KATNAL2: variants seen among roughly 807,000 people sequenced by gnomAD.
KATNAL2 encodes katanin catalytic subunit A1 like 2.
A neutral mutation model predicts 76.3 loss-of-function variants in KATNAL2; 52 were observed. The observed-to-expected ratio is 0.68, with a 90% CI of 0.55 to 0.86. The LOEUF is 0.86. Ranked by LOEUF, KATNAL2 falls within the 40% of genes least tolerant of loss-of-function variation. The pLI, the probability that KATNAL2 is intolerant of heterozygous loss-of-function variation, is 0.00. For synonymous variants in KATNAL2, 243 were observed against 244.2 expected, an observed-to-expected ratio of 1.00 and a Z score of 0.05; for missense variants, 660 against 668.9, an observed-to-expected ratio of 0.99 and a Z score of 0.15.
intron 3 of KATNAL2, among the ~76,000 whole-genome samples, chr18:47,041,443 G>T (rs879218242): frequency 1.1e-4 from 17 of 152,098 alleles, no homozygotes; most frequent in Admixed American, 1.1e-3. Context: ...TATCTATTTG[G>T]AATCATACAG....
At chr18:47,066,843 G>C (rs375164722) in intron 10 of KATNAL2, among the ~76,000 whole-genome samples, 178 bp from the exon 11 acceptor site, 3 of 32,168 alleles carry the variant, frequency 9.3e-5, no homozygotes, top group South Asian at 2.7e-3. Context: ...ATGTATATAT[G>C]TGTTTATATA....
At chr18:47,034,859 G>A in intron 3 of KATNAL2, 1 of 1,612,152 alleles carries the variant, frequency 6.2e-7, no homozygotes, top group Non-Finnish European at 8.5e-7. Context: ...TGCCCCGGAG[G>A]TGTTCTGCGT....
At chr18:47,063,448 T>C in intron 10 of KATNAL2, 87 bp downstream of exon 10, 1 of 951,386 alleles carries the variant, frequency 1.1e-6, no homozygotes, top group Admixed American at 2.4e-5. Flanking sequence ...TTAATAACAA[T>C]AAATATGATC....
Position 46,936,120 on chromosome 18 carries a change from A to G in KATNAL2, c.-509-9937A>G, listed in dbSNP as rs117198636. On this transcript the variant is annotated intron_variant, in intron 1 of 17. Coordinates refer to ENST00000683218, the MANE Select transcript of KATNAL2 (RefSeq NM_001387690.1). ...AGAAACAGACAAAATCCACTTTTCT[A>G]TGGTGGAACATTTTACCATACCTAT... is the stretch of plus-strand genomic sequence containing the variant. Among the ~76,000 whole-genome samples the G allele has an allele frequency of 3.3e-3, 496 of 152,326 alleles. 2 individuals carry two copies. The highest frequency in any genetic ancestry group is 5.0e-3 in the Non-Finnish European group (340 of 68,032).
intron 1 of KATNAL2, among the ~76,000 whole-genome samples, chr18:46,933,003 T>C (rs946869325): frequency 1.3e-5 from 2 of 152,232 alleles, no homozygotes; most frequent in South Asian, 4.1e-4. Flanking sequence ...CCTCAGGTGA[T>C]CCGCCCTCCT....
At chr18:47,084,846 C>CT (rs1274853546) in intron 15 of KATNAL2, among the ~76,000 whole-genome samples, 3 of 21,630 alleles carry the variant, frequency 1.4e-4, no homozygotes, top group Non-Finnish European at 1.8e-4. Context: ...AAGACTCTGT[C>CT]TAAAAAAAAA....
chr18:47,035,132 C>T (rs1394399460), intron 3 of KATNAL2: 1 of 1,611,778 alleles, frequency 6.2e-7, no homozygotes. Context: ...CCAGTCTCCG[C>T]CAGGATGTCT....
intron 1 of KATNAL2, among the ~76,000 whole-genome samples, chr18:46,939,836 G>A (rs1439780392): frequency 6.6e-6 from 1 of 152,128 alleles, no homozygotes; most frequent in African/African-American, 2.4e-5. Flanking sequence ...TCTGAACCTT[G>A]TTGCTCAATG....
At chr18:46,928,830 C>CTGT (rs1568979136) in intron 1 of KATNAL2, among the ~76,000 whole-genome samples, 1 of 152,210 alleles carries the variant, frequency 6.6e-6, no homozygotes, top group East Asian at 1.9e-4. Context: ...GAGTCTCACT[C>CTGT]TGTTGCCCAG....
chr18:46,924,161 C>A (rs1361380502), intron 1 of KATNAL2, among the ~76,000 whole-genome samples: 2 of 152,148 alleles, frequency 1.3e-5, no homozygotes, highest in Non-Finnish European at 2.9e-5. Context: ...ATGCCTATGT[C>A]CTGAATGGTA....
chr18:46,941,317 C>A (rs1025690189), intron 1 of KATNAL2, among the ~76,000 whole-genome samples: 2 of 151,958 alleles, frequency 1.3e-5, no homozygotes, highest in African/African-American at 2.4e-5. Context: ...CCAACCTGGG[C>A]AACAAAGCCA....
intron 3 of KATNAL2, chr18:47,034,610 C>A (rs768158322): frequency 6.2e-7 from 1 of 1,614,048 alleles, no homozygotes; most frequent in Admixed American, 1.7e-5. Flanking sequence ...CTCACAACGG[C>A]TTTCCCCTGG....
chr18:47,099,191 T>C, intron 15 of KATNAL2, 52 bp from the exon 16 acceptor site: 2 of 1,539,238 alleles, frequency 1.3e-6, no homozygotes, highest in Non-Finnish European at 1.8e-6. Flanking sequence ...CAGTTGTTGT[T>C]CAGGAAGTGT....
intron 1 of KATNAL2, among the ~76,000 whole-genome samples, chr18:46,919,049 A>G (rs949460344): frequency 1.3e-5 from 2 of 151,200 alleles, no homozygotes; most frequent in Non-Finnish European, 2.9e-5. Context: ...TATATACACA[A>G]CACACACACA....
intron 8 of KATNAL2, among the ~76,000 whole-genome samples, chr18:47,059,928 C>G (rs1362392201): frequency 6.6e-6 from 1 of 151,972 alleles, no homozygotes; most frequent in Non-Finnish European, 1.5e-5. Flanking sequence ...CTCTAGTGTT[C>G]CCATCAGCTT....
At chr18:46,930,204 A>C (rs2146543388) in intron 1 of KATNAL2, among the ~76,000 whole-genome samples, 1 of 152,332 alleles carries the variant, frequency 6.6e-6, no homozygotes, top group South Asian at 2.1e-4. Context: ...AAATTATTTG[A>C]TAATATTGAA....
intron 1 of KATNAL2, among the ~76,000 whole-genome samples, chr18:46,924,544 G>A (rs563680821): frequency 6.6e-6 from 1 of 152,288 alleles, no homozygotes; most frequent in African/African-American, 2.4e-5. Context: ...GCTTAGGATT[G>A]ATTTGACAAT....
At chr18:47,099,195 G>A (rs1264336901) in intron 15 of KATNAL2, 48 bp from the exon 16 acceptor site, 1 of 1,547,216 alleles carries the variant, frequency 6.5e-7, no homozygotes, top group Admixed American at 1.9e-5. Context: ...TGTTGTTCAG[G>A]AAGTGTGTTT....
At chr18:47,032,196 G>T (rs576627872) in intron 3 of KATNAL2, among the ~76,000 whole-genome samples, 2 of 152,376 alleles carry the variant, frequency 1.3e-5, no homozygotes, top group East Asian at 3.9e-4. Flanking sequence ...CTTAACGCAT[G>T]TACCAGTGAT....
Sources: allele counts gnomAD v4.1 joint callset (sites outside exome capture counted in the v4.1 genomes callset), GRCh38; gene constraint gnomAD v4.1.1; transcripts MANE v1.5; gene names NCBI Gene and HGNC (gene_info 2026-07-23, HGNC 2026-07-21).